The following NBAS variants were observed in gnomAD, a reference collection of about 807,000 sequenced individuals.
The protein encoded by NBAS is NAG/BC035112 fusion.
In NBAS, 219 loss-of-function variants were observed where a neutral mutation model predicts 302.5. The observed-to-expected ratio is 0.72, with a 90% confidence interval of 0.65 to 0.81. The LOEUF is 0.81. Among genes scored for constraint, NBAS ranks in the 30% least tolerant of loss-of-function variants. NBAS has a pLI of 0.00. For missense variants in NBAS, 2,932 were observed against 2,841.6 expected (o/e 1.03, Z -0.72); for synonymous variants, 1,118 against 1,021.6 (o/e 1.09, Z -1.80).
At chr2:15,381,921 AT>A (rs1675053714) in intron 29 of NBAS, among the ~76,000 whole-genome samples, 1 of 152,128 alleles carries the variant, frequency 6.6e-6, no homozygotes, top group African/African-American at 2.4e-5. Context: ...GCAGAGACCT[AT>A]TTTTACAATT....
the NBAS span, among the ~76,000 whole-genome samples, chr2:14,872,858 A>C: frequency 2.0e-5 from 3 of 152,022 alleles, no homozygotes; most frequent in African/African-American, 7.2e-5. Context: ...CAGCTCTTAA[A>C]GGCGGCGCCT....
intron 44 of NBAS, among the ~76,000 whole-genome samples, chr2:15,259,100 C>A (rs1157405370): frequency 6.6e-6 from 1 of 152,024 alleles, no homozygotes; most frequent in Non-Finnish European, 1.5e-5. Flanking sequence ...CTGCTCTGAT[C>A]AAATATATGC....
At chr2:15,029,104 G>T in the NBAS span, among the ~76,000 whole-genome samples, 1 of 152,170 alleles carries the variant, frequency 6.6e-6, no homozygotes, top group Non-Finnish European at 1.5e-5. Context: ...TGTGTGTTCA[G>T]GGCACATTTG....
At chr2:15,425,906 G>A (rs1352186887) in intron 22 of NBAS, among the ~76,000 whole-genome samples, 1 of 152,092 alleles carries the variant, frequency 6.6e-6, no homozygotes, top group Non-Finnish European at 1.5e-5. Flanking sequence ...GTCATGCCGT[G>A]AAGCATTCCT....
intron 32 of NBAS, among the ~76,000 whole-genome samples, chr2:15,360,012 G>T (rs1393598492): frequency 6.6e-6 from 1 of 152,074 alleles, no homozygotes; most frequent in Non-Finnish European, 1.5e-5. Flanking sequence ...GTATATTTCT[G>T]TACTGAATAC....
intron 48 of NBAS, among the ~76,000 whole-genome samples, chr2:15,204,809 T>C (rs1666063472): frequency 6.6e-6 from 1 of 151,966 alleles, no homozygotes; most frequent in South Asian, 2.1e-4. Flanking sequence ...AATTGAACAA[T>C]GAGAACACTT....
the NBAS span, among the ~76,000 whole-genome samples, chr2:14,994,911 A>C: frequency 1.3e-5 from 2 of 152,130 alleles, no homozygotes; most frequent in African/African-American, 4.8e-5. Context: ...GGGCTACACC[A>C]GTGATGCCCA....
At chr2:15,523,096 T>C (rs1179917917) in intron 9 of NBAS, among the ~76,000 whole-genome samples, 1 of 152,198 alleles carries the variant, frequency 6.6e-6, no homozygotes, top group Non-Finnish European at 1.5e-5. Context: ...TGTCATGACT[T>C]TTCCCTGCTT....
chr2:14,812,099 T>A, the NBAS span, among the ~76,000 whole-genome samples: 3 of 152,224 alleles, frequency 2.0e-5, no homozygotes, highest in African/African-American at 7.2e-5. Flanking sequence ...AATGGTCTTA[T>A]TCACATAGCT....
At chr2:15,212,960 T>C (rs940970434) in intron 48 of NBAS, among the ~76,000 whole-genome samples, 1 of 152,236 alleles carries the variant, frequency 6.6e-6, no homozygotes, top group Non-Finnish European at 1.5e-5. Flanking sequence ...CTTTAGGGTA[T>C]CTACTTCTTT....
chr2:15,381,339 A>G (rs558717206), intron 29 of NBAS, among the ~76,000 whole-genome samples: 1 of 152,292 alleles, frequency 6.6e-6, no homozygotes, highest in Non-Finnish European at 1.5e-5. Context: ...ATTTTAAATT[A>G]TATTTAAATT....
chr2:15,527,310 A>G (rs1466323688), intron 9 of NBAS, among the ~76,000 whole-genome samples: 1 of 152,202 alleles, frequency 6.6e-6, no homozygotes, highest in Admixed American at 6.6e-5. Flanking sequence ...GCCTTCAAGT[A>G]GCTGATAGTC....
chr2:15,382,225 A>C (rs997369198), intron 29 of NBAS, among the ~76,000 whole-genome samples: 3 of 152,096 alleles, frequency 2.0e-5, no homozygotes, highest in African/African-American at 7.2e-5. Flanking sequence ...GCACACACCC[A>C]CACACAGGTG....
intron 9 of NBAS, among the ~76,000 whole-genome samples, chr2:15,511,666 T>C (rs1357303522): frequency 6.6e-6 from 1 of 152,188 alleles, no homozygotes; most frequent in Non-Finnish European, 1.5e-5. Context: ...TAAACTTTAA[T>C]AGATGTGTAG....
intron 21 of NBAS, among the ~76,000 whole-genome samples, chr2:15,459,399 G>A (rs1272663047): frequency 6.6e-6 from 1 of 151,654 alleles, no homozygotes; most frequent in Non-Finnish European, 1.5e-5. Flanking sequence ...ATTATATTCT[G>A]AAAACATGCA....
At chr2:14,982,192 C>G in the NBAS span, among the ~76,000 whole-genome samples, 1 of 152,154 alleles carries the variant, frequency 6.6e-6, no homozygotes, top group Non-Finnish European at 1.5e-5. Context: ...TCAAGCTGAG[C>G]TCCCAGCCAA....
the NBAS span, among the ~76,000 whole-genome samples, chr2:15,054,384 G>C: frequency 2.6e-5 from 4 of 152,208 alleles, no homozygotes; most frequent in Non-Finnish European, 2.9e-5. Context: ...TACTAGTGTG[G>C]CTTGGGAGGG....
chr2:15,456,145 A>G (rs1679239652), intron 21 of NBAS, among the ~76,000 whole-genome samples: 1 of 152,236 alleles, frequency 6.6e-6, no homozygotes, highest in Non-Finnish European at 1.5e-5. Flanking sequence ...AAGCTTTACA[A>G]AACTTGGTCA....
the NBAS span, among the ~76,000 whole-genome samples, chr2:14,997,270 G>A: frequency 6.6e-6 from 1 of 152,008 alleles, no homozygotes; most frequent in South Asian, 2.1e-4. Context: ...CCGATTACAT[G>A]AGTTTACTTA....
Sources: gnomAD v4.1 joint callset for allele counts (sites outside exome capture counted in the v4.1 genomes callset) on GRCh38, gnomAD v4.1.1 for gene constraint, MANE v1.5 for transcripts, NCBI Gene and HGNC (gene_info 2026-07-23, HGNC 2026-07-21) for gene names.